PRIM2: variants seen among roughly 807,000 people sequenced by gnomAD.
PRIM2 encodes the protein DNA primase subunit 2.
PRIM2 carries 39 observed loss-of-function variants against 67.3 expected under a neutral mutation model. That is an observed-to-expected ratio of 0.58 (90% confidence interval 0.45 to 0.76). The LOEUF (loss-of-function observed/expected upper bound fraction) is 0.76, where lower values mean the gene tolerates loss of function less well. Ranked by LOEUF, PRIM2 falls within the 30% of genes least tolerant of loss-of-function variation. PRIM2 has a pLI of 0.00. For missense variants in PRIM2, 398 were observed against 598.7 expected, an observed-to-expected ratio of 0.66 and a Z score of 3.50; for synonymous variants, 143 against 198.7, an observed-to-expected ratio of 0.72 and a Z score of 2.36.
At chr6:57,573,213 C>G (rs2127482198) in intron 10 of PRIM2, among the ~76,000 whole-genome samples, 1 of 152,344 alleles carries the variant, frequency 6.6e-6, no homozygotes, top group East Asian at 1.9e-4. Flanking sequence ...AGCTGCACAT[C>G]AAAATAGTAT....
At position 57,565,799 on chromosome 6, in the gene PRIM2, T is replaced by TA. The variant is rs1215226501; in HGVS notation, c.1020+28182dup. Among the ~76,000 whole-genome samples, 7 of 152,150 alleles carry TA rather than the reference T, an allele frequency of 4.6e-5. No individual in the cohort carries two copies. In the South Asian group the frequency reaches 6.2e-4, roughly 14 times the overall value. On this transcript the variant is annotated intron_variant, in intron 10 of 13. Transcript: ENST00000615550. The stretch of plus-strand genomic sequence containing the variant: ...CCTATACACAGCAGTATGCACCTCT[T>TA]AAAAAAAATAGACACTTTCTTACAT...
the PRIM2 span, among the ~76,000 whole-genome samples, chr6:57,255,771 A>G: frequency 6.6e-6 from 1 of 152,112 alleles, no homozygotes; most frequent in Non-Finnish European, 1.5e-5. Flanking sequence ...AAAAACTTCA[A>G]GGCTATTATG....
intron 7 of PRIM2, among the ~76,000 whole-genome samples, chr6:57,480,102 T>A (rs1361511514): frequency 5.3e-5 from 8 of 152,128 alleles, no homozygotes; most frequent in South Asian, 2.1e-4. Context: ...TGAGAGTTGG[T>A]GTCATAAATG....
chr6:57,643,627 A>T (rs1235061753), intron 13 of PRIM2, among the ~76,000 whole-genome samples: 42,451 of 152,140 alleles, frequency 0.28, 6,309 homozygotes, highest in East Asian at 0.45. Context: ...GCAAAATGCA[A>T]AATTTATATT....
chr6:57,591,882 C>G (rs1329880531), intron 10 of PRIM2, among the ~76,000 whole-genome samples: 2 of 151,946 alleles, frequency 1.3e-5, no homozygotes, highest in African/African-American at 2.4e-5. Context: ...ATGTTTATCA[C>G]AGCACTCCTC....
chr6:57,641,194 A>G (rs1287296708), intron 13 of PRIM2, among the ~76,000 whole-genome samples: 5 of 152,094 alleles, frequency 3.3e-5, no homozygotes, highest in Admixed American at 2.6e-4. Flanking sequence ...ATATGCAGAA[A>G]ACTGAAACTG....
At chr6:57,228,694 CG>C in the PRIM2 span, among the ~76,000 whole-genome samples, 1 of 152,174 alleles carries the variant, frequency 6.6e-6, no homozygotes, top group Non-Finnish European at 1.5e-5. Context: ...ACTCAGGCTT[CG>C]GAGCCAGAAT....
At chr6:57,345,812 A>G (rs1768657016) in intron 5 of PRIM2, among the ~76,000 whole-genome samples, 1 of 152,220 alleles carries the variant, frequency 6.6e-6, no homozygotes, top group South Asian at 2.1e-4. Context: ...TCTTGATCAT[A>G]TGCTAAACAA....
At chr6:57,276,164 T>A in the PRIM2 span, among the ~76,000 whole-genome samples, 2 of 151,940 alleles carry the variant, frequency 1.3e-5, no homozygotes, top group East Asian at 3.9e-4. Context: ...CCAAGGTGGG[T>A]GGATCAGCTG....
At chr6:57,539,809 C>G (rs1775106137) in intron 10 of PRIM2, among the ~76,000 whole-genome samples, 1 of 151,982 alleles carries the variant, frequency 6.6e-6, no homozygotes, top group African/African-American at 2.4e-5. Flanking sequence ...GCCTGGCCAA[C>G]ATGGTGAAAT....
chr6:57,612,554 G>A (rs2127494615), intron 12 of PRIM2, among the ~76,000 whole-genome samples: 2 of 152,276 alleles, frequency 1.3e-5, no homozygotes, highest in South Asian at 4.1e-4. Flanking sequence ...ATTGCTGGGA[G>A]CAGGAGAGGT....
At chr6:57,594,494 C>T (rs1776333185) in intron 10 of PRIM2, among the ~76,000 whole-genome samples, 1 of 152,104 alleles carries the variant, frequency 6.6e-6, no homozygotes, top group African/African-American at 2.4e-5. Flanking sequence ...CTGATCCAGT[C>T]AGATCCAGTT....
chr6:57,530,329 T>C (rs1774860022), intron 8 of PRIM2, among the ~76,000 whole-genome samples: 5 of 152,228 alleles, frequency 3.3e-5, no homozygotes, highest in Admixed American at 3.3e-4. Context: ...TGGCAGCAAC[T>C]TGTGAGAAGG....
At chr6:57,285,200 A>T in the PRIM2 span, among the ~76,000 whole-genome samples, 1 of 152,170 alleles carries the variant, frequency 6.6e-6, no homozygotes, top group Non-Finnish European at 1.5e-5. Context: ...AGAGATATAA[A>T]GACAGCTGGT....
chr6:57,229,886 T>TCAC, the PRIM2 span, among the ~76,000 whole-genome samples: 1 of 412 alleles, frequency 2.4e-3, no homozygotes, highest in African/African-American at 0.025. Context: ...TGACTCTCCC[T>TCAC]CATGCCTCCT....
rs370307956 is a variant in PRIM2 at position 57,457,921 on chromosome 6, C to T, written c.694-49466C>T. 7.7e-3 allele frequency among the ~76,000 whole-genome samples: 1,169 copies of T among 152,298 alleles called. 13 individuals are homozygous for T. Among genetic ancestry groups the T allele is most frequent in the African/African-American group, 0.027 (1,113 of 41,580 alleles). On this transcript the variant is annotated intron_variant, in intron 7 of 13. Transcript: ENST00000615550. Reference sequence around the variant, plus strand: ...ACTGGAGCTGTTCCTATTCGGCCATCTTCCTTGTTCATTTTCTTACTTTGC... The same window carrying T: ...ACTGGAGCTGTTCCTATTCGGCCATTTTCCTTGTTCATTTTCTTACTTTGC...
chr6:57,546,443 A>G (rs1435164243), intron 10 of PRIM2, among the ~76,000 whole-genome samples: 1 of 152,188 alleles, frequency 6.6e-6, no homozygotes, highest in Non-Finnish European at 1.5e-5. Flanking sequence ...AGTGAATGAC[A>G]TGGGTTAGTC....
chr6:57,230,256 TG>T, the PRIM2 span, among the ~76,000 whole-genome samples: 1 of 152,190 alleles, frequency 6.6e-6, no homozygotes, highest in Non-Finnish European at 1.5e-5. Flanking sequence ...TTCACTGAAT[TG>T]GTGCGTATTC....
At chr6:57,399,234 C>A (rs949401583) in intron 7 of PRIM2, among the ~76,000 whole-genome samples, 3 of 152,132 alleles carry the variant, frequency 2.0e-5, no homozygotes, top group Non-Finnish European at 4.4e-5. Context: ...TATTCCCCAC[C>A]CTGTGTCCAA....
Sources: allele counts gnomAD v4.1 joint callset (sites outside exome capture counted in the v4.1 genomes callset), GRCh38; gene constraint gnomAD v4.1.1; transcripts MANE v1.5; gene names NCBI Gene and HGNC (gene_info 2026-07-23, HGNC 2026-07-21).